Variants in SLC25A33 observed in about 807,000 individuals in gnomAD.
SLC25A33 encodes solute carrier family 25 member 33.
SLC25A33 carries 15 observed loss-of-function variants against 35.5 expected under a neutral mutation model. The ratio of observed to expected loss-of-function variants is 0.42; its 90% CI spans 0.28 to 0.65. SLC25A33 has a LOEUF of 0.65. Among genes scored for constraint, SLC25A33 ranks in the 30% least tolerant of loss-of-function variants. SLC25A33 has a pLI of 0.20. For missense variants in SLC25A33, 257 were observed against 398.5 expected (o/e 0.64, Z 3.02); for synonymous variants, 136 against 148.7 (o/e 0.91, Z 0.62).
chr1:9,558,115 C>T (rs1643371720), intron 2 of SLC25A33, among the ~76,000 whole-genome samples: 1 of 152,164 alleles, frequency 6.6e-6, no homozygotes, highest in African/African-American at 2.4e-5. Flanking sequence ...AGGTTAAGGG[C>T]TAAGTGACAT....
At chr1:9,542,853 C>T (rs1569837412) in intron 1 of SLC25A33, among the ~76,000 whole-genome samples, 1 of 152,264 alleles carries the variant, frequency 6.6e-6, no homozygotes, top group Non-Finnish European at 1.5e-5. Context: ...CACTCTGTCG[C>T]CCAGGCTGGA....
At chr1:9,562,875 A>G (rs951199987) in intron 2 of SLC25A33, among the ~76,000 whole-genome samples, 6 of 150,960 alleles carry the variant, frequency 4.0e-5, no homozygotes, top group African/African-American at 1.5e-4. Flanking sequence ...AAAAAATTAT[A>G]TAAATTGAAC....
intron 2 of SLC25A33, among the ~76,000 whole-genome samples, chr1:9,564,712 C>T (rs1184560432): frequency 8.1e-6 from 1 of 124,184 alleles, no homozygotes; most frequent in Non-Finnish European, 1.6e-5. Context: ...CATGGTGACA[C>T]CTCGTCTCTA....
chr1:9,560,817 G>A (rs1366233748), intron 2 of SLC25A33, among the ~76,000 whole-genome samples: 1 of 151,048 alleles, frequency 6.6e-6, no homozygotes, highest in African/African-American at 2.4e-5. Context: ...ACAGATTCAG[G>A]TATCTGCTAT....
intron 5 of SLC25A33, chr1:9,577,027 A>T: frequency 1.2e-6 from 1 of 858,772 alleles, no homozygotes; most frequent in Non-Finnish European, 1.9e-6. Flanking sequence ...ATGCTGGATG[A>T]TTCCTAAGAC....
chr1:9,544,932 A>G (rs1643145141), intron 1 of SLC25A33, among the ~76,000 whole-genome samples: 1 of 152,216 alleles, frequency 6.6e-6, no homozygotes, highest in African/African-American at 2.4e-5. Context: ...TTCTGTGTGC[A>G]TAATTTAAAA....
At chr1:9,556,865 CT>C (rs1280534373) in intron 2 of SLC25A33, among the ~76,000 whole-genome samples, 11 of 152,294 alleles carry the variant, frequency 7.2e-5, no homozygotes, top group Admixed American at 2.0e-4. Flanking sequence ...GTCCCACCGG[CT>C]TCATTGGTTA....
chr1:9,562,919 CT>C (rs370570053), intron 2 of SLC25A33, among the ~76,000 whole-genome samples: 190 of 126,726 alleles, frequency 1.5e-3, no homozygotes, highest in South Asian at 3.8e-3. Context: ...AAAATAATAG[CT>C]TTTTTTTTTT....
chr1:9,550,011 A>ATATATATATATAT (rs754618497), intron 1 of SLC25A33, among the ~76,000 whole-genome samples: 2 of 48,864 alleles, frequency 4.1e-5, no homozygotes, highest in African/African-American at 7.8e-5. Context: ...ATATATATAT[A>ATATATATATATAT]TTTTTTTTTT....
intron 2 of SLC25A33, among the ~76,000 whole-genome samples, chr1:9,555,271 T>C (rs552506473): frequency 8.6e-4 from 130 of 151,908 alleles, no homozygotes; most frequent in African/African-American, 2.7e-3. Context: ...GTGCCCGCCA[T>C]CACACCCAGC....
intron 2 of SLC25A33, among the ~76,000 whole-genome samples, chr1:9,559,720 G>A (rs1428123968): frequency 6.6e-6 from 1 of 152,090 alleles, no homozygotes; most frequent in African/African-American, 2.4e-5. Flanking sequence ...ACAGAGGGTG[G>A]CTCCTTTTCA....
In SLC25A33 at chr1:9,578,129, A is replaced by C. The variant is rs953770352; in HGVS notation, c.483-1825A>C. On this transcript the variant is annotated intron_variant, in intron 5 of 6. Transcript: ENST00000302692. This position sits in a 1 kb window ranked among gnomAD's most constrained non-coding sequence, Gnocchi z 4.3. Reference sequence around the variant, plus strand: ...GAGACGGGGTTTCACCGTGTTAGCCAGGATGGTCTCGATCTCCTGACCTCG... The same window carrying C: ...GAGACGGGGTTTCACCGTGTTAGCCCGGATGGTCTCGATCTCCTGACCTCG... 5.9e-5 allele frequency among the ~76,000 whole-genome samples: 9 copies of C among 152,160 alleles called. No homozygotes were observed. Among genetic ancestry groups the C allele is most frequent in the Non-Finnish European group, 1.3e-4 (9 of 68,030 alleles).
At chr1:9,563,192 G>A (rs1643451725) in intron 2 of SLC25A33, among the ~76,000 whole-genome samples, 2 of 152,194 alleles carry the variant, frequency 1.3e-5, no homozygotes, top group South Asian at 4.2e-4. Context: ...CCAGAGTGTT[G>A]GGATTACAGG....
chr1:9,558,722 C>T (rs1362077768), intron 2 of SLC25A33, among the ~76,000 whole-genome samples: 3 of 152,328 alleles, frequency 2.0e-5, no homozygotes, highest in South Asian at 4.1e-4. Flanking sequence ...TACCCCTTCT[C>T]ACTACTTCCT....
Position 9,539,761 on chromosome 1 carries a change from C to T in SLC25A33, c.56+14C>T. The T allele has an allele frequency of 7.3e-7, 1 of 1,373,356 alleles. No homozygotes were observed. The highest frequency in any genetic ancestry group is 9.4e-7 in the Non-Finnish European group (1 of 1,061,342). The allele number at this position is 1,373,356 out of a possible 1,614,324, so 85.1% of individuals were successfully genotyped here. The stretch of plus-strand genomic sequence containing the variant: ...CTTCGCCGGCGGGTGAGTTCCCGGG[C>T]CCAGCCGCGCGCGCCCCACCGCCTG... On this transcript the variant is annotated intron_variant, in intron 1 of 6. Coordinates refer to ENST00000302692, the MANE Select transcript of SLC25A33 (RefSeq NM_032315.3).
At chr1:9,556,166 C>G (rs1471494621) in intron 2 of SLC25A33, 1 of 985,170 alleles carries the variant, frequency 1.0e-6, no homozygotes, top group Non-Finnish European at 1.2e-6. Flanking sequence ...CCTGCTTTGC[C>G]TTTTCACATG....
Position 9,580,114 on chromosome 1 carries a change from A to C in SLC25A33, c.643A>C (p.Lys215Gln), listed in dbSNP as rs772114368. ...TTATGAAAGTTTAAAGAAGTATCTG[A>C]AAGAAGCTCCATTAGCCTCTTCTGC... is the stretch of plus-strand genomic sequence containing the variant. Reference protein sequence around the residue: ...AIYESLKKYLKEAPLASSANG... With the variant: ...AIYESLKKYLQEAPLASSANG... Residue 215 changes from lysine to glutamine, a missense_variant, in exon 6 of 7, where the codon AAA becomes CAA. Physicochemically the swap from Lys to Gln is moderately conservative, Grantham distance 53. Coordinates refer to ENST00000302692, the MANE Select transcript of SLC25A33 (RefSeq NM_032315.3). The C allele has an allele frequency of 1.7e-5, 27 of 1,612,178 alleles. No homozygotes were observed. The highest frequency in any genetic ancestry group is 2.3e-5 in the Non-Finnish European group (27 of 1,178,616).
chr1:9,577,819 A>G (rs1643683689), intron 5 of SLC25A33, among the ~76,000 whole-genome samples: 1 of 152,176 alleles, frequency 6.6e-6, no homozygotes, highest in Non-Finnish European at 1.5e-5. Context: ...GTGTGAATAG[A>G]GGCCGGGATG....
intron 1 of SLC25A33, 93 bp from the exon 2 acceptor site, chr1:9,553,533 C>T (rs1274118006): frequency 4.5e-5 from 65 of 1,457,864 alleles, no homozygotes; most frequent in Middle Eastern, 5.0e-4. Context: ...GCGCCCGGCA[C>T]GTTCTAGTTT....
Sources: gnomAD v4.1 joint callset for allele counts (sites outside exome capture counted in the v4.1 genomes callset) on GRCh38, gnomAD v4.1.1 for gene constraint, Gnocchi (gnomAD v3.1) non-coding constraint, MANE v1.5 for transcripts, NCBI Gene and HGNC (gene_info 2026-07-23, HGNC 2026-07-21) for gene names.